The following POGZ variants were observed in gnomAD, a reference collection of about 807,000 sequenced individuals.
POGZ encodes the protein pogo transposable element with ZNF domain.
Under a neutral mutation model 134.6 loss-of-function variants are expected in POGZ, and 17 were observed. That is an observed-to-expected ratio of 0.13 (90% CI 0.09 to 0.19). The LOEUF (loss-of-function observed/expected upper bound fraction) is 0.19. Ranked by LOEUF, POGZ falls within the 10% of genes least tolerant of loss-of-function variation. The probability of loss-of-function intolerance (pLI) is 1.00; values close to 1 mark genes in which losing one functional copy is unlikely to be tolerated. For synonymous variants in POGZ, 693 were observed against 657.1 expected, an observed-to-expected ratio of 1.05 and a Z score of -0.84; for missense variants, 1,306 against 1,769.7, an observed-to-expected ratio of 0.74 and a Z score of 4.70.
At chr1:151,414,804 C>A (rs897697031) in intron 10 of POGZ, among the ~76,000 whole-genome samples, 2 of 152,082 alleles carry the variant, frequency 1.3e-5, no homozygotes, top group Non-Finnish European at 2.9e-5. Flanking sequence ...AAAAGATTTA[C>A]ATTGTGTTAT....
intron 15 of POGZ, 97 bp from the exon 16 acceptor site, chr1:151,407,388 C>T: frequency 1.3e-6 from 1 of 782,166 alleles, no homozygotes; most frequent in South Asian, 1.6e-5. Context: ...AGAGACACTT[C>T]TTCAGTGCAC....
chr1:151,441,143 T>A, intron 2 of POGZ, 57 bp from the exon 3 acceptor site: 2 of 1,420,912 alleles, frequency 1.4e-6, no homozygotes, highest in African/African-American at 1.4e-5. Context: ...CACTAAAGGA[T>A]ACTGCTCTAA....
chr1:151,458,608 C>T (rs1370142289), intron 1 of POGZ, among the ~76,000 whole-genome samples: 1 of 147,742 alleles, frequency 6.8e-6, no homozygotes, highest in Non-Finnish European at 1.5e-5. Context: ...CGCTCCGCCG[C>T]CGCCCGCCCC....
intron 3 of POGZ, among the ~76,000 whole-genome samples, chr1:151,435,533 C>T (rs1374541790): frequency 1.3e-5 from 2 of 150,588 alleles, no homozygotes; most frequent in Non-Finnish European, 2.9e-5. Context: ...TGCTCTGTAG[C>T]CCAAGTTGGA....
chr1:151,455,818 G>A (rs1183808681), intron 1 of POGZ, among the ~76,000 whole-genome samples: 1 of 151,846 alleles, frequency 6.6e-6, no homozygotes, highest in Non-Finnish European at 1.5e-5. Context: ...AGTCGGAAAA[G>A]GGAGAAGTAT....
At chr1:151,439,862 TAC>T (rs1174666448) in intron 3 of POGZ, among the ~76,000 whole-genome samples, 5 of 152,180 alleles carry the variant, frequency 3.3e-5, no homozygotes, top group African/African-American at 4.8e-5. Context: ...CGAGAAAAGA[TAC>T]AGAGATAGGA....
intron 12 of POGZ, among the ~76,000 whole-genome samples, chr1:151,409,497 G>A (rs1442413092): frequency 6.6e-6 from 1 of 152,090 alleles, no homozygotes. Context: ...CACCACGCCC[G>A]GCTACTTTTT....
intron 12 of POGZ, among the ~76,000 whole-genome samples, chr1:151,409,503 T>A (rs975091400): frequency 1.3e-5 from 2 of 152,164 alleles, no homozygotes; most frequent in African/African-American, 4.8e-5. Context: ...GCCCGGCTAC[T>A]TTTTGTATTT....
In POGZ at chr1:151,410,074, C is replaced by T. The variant is rs142489110; in HGVS notation, c.1927-1246G>A. On this transcript the variant is annotated intron_variant, in intron 12 of 18. Coordinates refer to ENST00000271715, the MANE Select transcript of POGZ (RefSeq NM_015100.4). ...CATATGTATGTGACTATTAAGCACA[C>T]ATGCACTCATCTTATTCTCCATTTT... 9.2e-5 allele frequency among the ~76,000 whole-genome samples: 14 copies of T among 152,336 alleles called. No individual in the cohort carries two copies. The East Asian group carries it at 2.5e-3, about 27-fold the overall frequency.
chr1:151,443,199 T>C (rs1660801149), intron 1 of POGZ, among the ~76,000 whole-genome samples: 1 of 152,332 alleles, frequency 6.6e-6, no homozygotes, highest in Middle Eastern at 3.4e-3. Flanking sequence ...AAATGATGCA[T>C]TAAAATGCAT....
rs1446417884 is a variant in POGZ, at chr1:151,425,022, C to T, written c.1118G>A (p.Gly373Glu). 1.3e-6 allele frequency: 2 copies of T among 1,596,238 alleles called. No individual in the cohort carries two copies. The highest frequency in any genetic ancestry group is 2.2e-5 in the East Asian group (1 of 44,748). Reference protein sequence around the residue: ...SIPVFDLQDGGRKICPRCNAQ... With the variant: ...SIPVFDLQDGERKICPRCNAQ... ...ATTACATCGTGGACATATTTTCCGTCCACCATCCTGGAGGTCAAATACTGG... is the reference window on the plus strand; with the variant it reads ...ATTACATCGTGGACATATTTTCCGTTCACCATCCTGGAGGTCAAATACTGG... Residue 373 changes from glycine (G) to glutamate (E), a missense_variant, in exon 8 of 19, where the codon GGA becomes GAA. Transcript: ENST00000271715.
chr1:151,433,023 T>C (rs1441615134), intron 3 of POGZ, among the ~76,000 whole-genome samples: 2 of 152,246 alleles, frequency 1.3e-5, no homozygotes, highest in African/African-American at 4.8e-5. Flanking sequence ...TCTATATTTT[T>C]TAGTCATTAT....
intron 10 of POGZ, among the ~76,000 whole-genome samples, chr1:151,414,780 C>CA (rs772071504): frequency 6.0e-5 from 9 of 150,400 alleles, no homozygotes; most frequent in South Asian, 2.1e-4. Flanking sequence ...GAAACTCCCT[C>CA]AAAAAAAAGA....
chr1:151,423,596 G>C, intron 9 of POGZ, 45 bp from the exon 10 acceptor site: 1 of 1,492,884 alleles, frequency 6.7e-7, no homozygotes, highest in Non-Finnish European at 9.2e-7. Context: ...ATAAAAAATT[G>C]GTAGCCTTTT....
Position 151,423,470 on chromosome 1 carries a change from A to C in POGZ, c.1605T>G (p.Cys535Trp). Residue 535 changes from cysteine (C) to tryptophan (W), a missense_variant, in exon 10 of 19, where the codon TGT (cysteine) becomes TGG (tryptophan). Physicochemically the swap from Cys to Trp is radical, Grantham distance 215 (BLOSUM62 -2). Coordinates refer to ENST00000271715, the MANE Select transcript of POGZ (RefSeq NM_015100.4). Reference protein sequence around the residue: ...EVDGHTICQHCYRQFSTPFQL... With the variant: ...EVDGHTICQHWYRQFSTPFQL... The stretch of plus-strand genomic sequence containing the variant: ...GGAAGGGAGTGGAAAACTGGCGGTA[A>C]CAGTGCTGGCAGATAGTGTGACCAT... 6.2e-7 allele frequency: 1 copy of C among 1,614,040 alleles called. No individual in the cohort carries two copies. The highest frequency in any genetic ancestry group is 8.5e-7 in the Non-Finnish European group (1 of 1,179,872).
At position 151,423,410 on chromosome 1, in the gene POGZ, G is replaced by C. The variant is rs148954998; in HGVS notation, c.1665C>G (p.Pro555=). ...LQCHLENVHS[P]YESTTKCKIC... is the part of the protein sequence containing the mutation. ...TTCCAAACTTACTAGTAGATTCATAGGGACTATGAACATTTTCCAAGTGGC... is the reference window on the plus strand; with the variant it reads ...TTCCAAACTTACTAGTAGATTCATACGGACTATGAACATTTTCCAAGTGGC... The change falls in exon 10 of 19, where the codon CCC becomes CCG. Residue 555 remains proline (P), a synonymous_variant. Transcript: ENST00000271715. The C allele has an allele frequency of 7.4e-6, 12 of 1,614,000 alleles. No individual in the cohort carries two copies. The highest frequency in any genetic ancestry group is 1.3e-5 in the African/African-American group (1 of 75,036).
At chr1:151,445,823 G>T (rs1286450031) in intron 1 of POGZ, among the ~76,000 whole-genome samples, 3 of 151,930 alleles carry the variant, frequency 2.0e-5, no homozygotes, top group Non-Finnish European at 4.4e-5. Flanking sequence ...CTATAACTCA[G>T]GGTCTAAAAG....
intron 3 of POGZ, among the ~76,000 whole-genome samples, chr1:151,431,476 C>T (rs1163593545): frequency 6.6e-6 from 1 of 152,184 alleles, no homozygotes; most frequent in Non-Finnish European, 1.5e-5. Flanking sequence ...AGCAAGCACA[C>T]AGAATCTAAG....
At chr1:151,418,716 A>C (rs766062215) in intron 10 of POGZ, among the ~76,000 whole-genome samples, 2 of 152,260 alleles carry the variant, frequency 1.3e-5, no homozygotes, top group African/African-American at 4.8e-5. Flanking sequence ...TTATGCATCA[A>C]TTCTTTTTTT....
Sources: allele counts gnomAD v4.1 joint callset (sites outside exome capture counted in the v4.1 genomes callset), GRCh38; gene constraint gnomAD v4.1.1; transcripts MANE v1.5; gene names NCBI Gene and HGNC (gene_info 2026-07-23, HGNC 2026-07-21).